The following ITPR2 variants were observed in gnomAD, a reference collection of about 807,000 sequenced individuals.
The protein encoded by ITPR2 is inositol 1,4,5-trisphosphate-gated calcium channel ITPR2.
In ITPR2, 207 loss-of-function variants were observed where a neutral mutation model predicts 317.1. That is an observed-to-expected ratio of 0.65 (90% CI 0.58 to 0.73). The LOEUF is 0.73. Ranked by LOEUF, ITPR2 falls within the 30% of genes least tolerant of loss-of-function variation. The pLI, the probability that ITPR2 is intolerant of heterozygous loss-of-function variation, is 0.00. For synonymous variants in ITPR2, 1,156 were observed against 1,149.1 expected (o/e 1.01, Z -0.12); for missense variants, 2,613 against 3,284.0 (o/e 0.80, Z 4.99).
At chr12:26,555,273 C>T (rs1262844931) in intron 36 of ITPR2, among the ~76,000 whole-genome samples, 1 of 152,158 alleles carries the variant, frequency 6.6e-6, no homozygotes, top group Non-Finnish European at 1.5e-5. Context: ...CGATATATCA[C>T]AGTTGATAGA....
intron 2 of ITPR2, among the ~76,000 whole-genome samples, chr12:26,741,872 G>A (rs1305439709): frequency 6.6e-6 from 1 of 152,184 alleles, no homozygotes; most frequent in East Asian, 1.9e-4. Context: ...GTTGCAAGCA[G>A]GCATGAGCTA....
At chr12:26,796,414 C>T (rs1284626941) in intron 1 of ITPR2, among the ~76,000 whole-genome samples, 2 of 152,158 alleles carry the variant, frequency 1.3e-5, no homozygotes, top group African/African-American at 2.4e-5. Flanking sequence ...AATCTTACTA[C>T]ATATCCAACA....
chr12:26,799,756 C>G (rs1022962842), intron 1 of ITPR2, among the ~76,000 whole-genome samples: 1 of 152,176 alleles, frequency 6.6e-6, no homozygotes. Flanking sequence ...GTTTGTGAAG[C>G]ATTTTGTCTG....
chr12:26,649,508 A>C (rs1947193585), intron 21 of ITPR2: 1 of 152,162 alleles, frequency 6.6e-6, no homozygotes, highest in African/African-American at 2.4e-5. Context: ...TGAATTGCAT[A>C]TTGCATTTAG....
chr12:26,362,266 T>C (rs933126515), intron 55 of ITPR2, among the ~76,000 whole-genome samples: 1 of 152,134 alleles, frequency 6.6e-6, no homozygotes, highest in Non-Finnish European at 1.5e-5. Flanking sequence ...CACTAGCAAT[T>C]TACTTCCAGC....
At chr12:26,507,568 C>T (rs1024589156) in intron 37 of ITPR2, among the ~76,000 whole-genome samples, 2 of 152,122 alleles carry the variant, frequency 1.3e-5, no homozygotes, top group African/African-American at 4.8e-5. Context: ...GAAGCATAGC[C>T]GCTTGGTAGT....
chr12:26,372,563 T>TA (rs1939218221), intron 55 of ITPR2, among the ~76,000 whole-genome samples: 1 of 152,184 alleles, frequency 6.6e-6, no homozygotes, highest in Non-Finnish European at 1.5e-5. Flanking sequence ...GCACTGTGTC[T>TA]AACACACAAC....
chr12:26,445,412 A>G (rs775364175), intron 45 of ITPR2, among the ~76,000 whole-genome samples: 16 of 152,132 alleles, frequency 1.1e-4, no homozygotes, highest in Non-Finnish European at 2.1e-4. Flanking sequence ...GAGATCACCT[A>G]AAAGTGAGCT....
intron 48 of ITPR2, among the ~76,000 whole-genome samples, chr12:26,429,679 A>G (rs544145031): frequency 9.8e-5 from 15 of 152,352 alleles, no homozygotes; most frequent in South Asian, 8.3e-4. Context: ...CACAACAACA[A>G]ATAAAAATTT....
chr12:26,722,663 T>G (rs1434414649), intron 4 of ITPR2, 108 bp from the exon 5 acceptor site: 1 of 800,286 alleles, frequency 1.2e-6, no homozygotes, highest in Non-Finnish European at 1.9e-6. Context: ...TGGCTTGAGA[T>G]GAAAATTAAA....
intron 26 of ITPR2, among the ~76,000 whole-genome samples, chr12:26,603,673 C>T (rs11048606): frequency 8.8e-4 from 134 of 152,184 alleles, no homozygotes; most frequent in African/African-American, 2.7e-3. Context: ...GACAAGTTTA[C>T]GAAGGAGGTC....
chr12:26,536,507 T>C (rs1261970116), intron 37 of ITPR2, among the ~76,000 whole-genome samples: 3 of 152,056 alleles, frequency 2.0e-5, no homozygotes, highest in Admixed American at 1.3e-4. Flanking sequence ...TTTCATCAGG[T>C]TGAAGGACAG....
At chr12:26,498,015 C>T (rs1231808528) in intron 37 of ITPR2, among the ~76,000 whole-genome samples, 1 of 152,228 alleles carries the variant, frequency 6.6e-6, no homozygotes, top group African/African-American at 2.4e-5. Context: ...GGATTACAGG[C>T]ATGAGCCACC....
At chr12:26,491,676 T>C (rs1461088363) in intron 39 of ITPR2, among the ~76,000 whole-genome samples, 1 of 143,150 alleles carries the variant, frequency 7.0e-6, no homozygotes, top group Non-Finnish European at 1.5e-5. Context: ...ATGAGGGATA[T>C]TAAGGGGGCA....
rs1184004081 is a variant in ITPR2 at position 26,707,990 on chromosome 12, TA to T, written c.951+3182del. On this transcript the variant is annotated intron_variant, in intron 9 of 56. Coordinates refer to ENST00000381340, the MANE Select transcript of ITPR2 (RefSeq NM_002223.4). The stretch of plus-strand genomic sequence containing the variant: ...GACATACAAATGGCAAACAAATATA[TA>T]AAAAAATGCTTAACATCATTAATCA... 2.3e-4 allele frequency among the ~76,000 whole-genome samples: 35 copies of T among 151,802 alleles called. No homozygotes were observed. In the South Asian group the frequency reaches 4.6e-3, roughly 20 times the overall value.
At chr12:26,353,853 C>G (rs1478304502) in intron 55 of ITPR2, among the ~76,000 whole-genome samples, 1 of 152,132 alleles carries the variant, frequency 6.6e-6, no homozygotes, top group Non-Finnish European at 1.5e-5. Flanking sequence ...TATACACACA[C>G]ACACACACCT....
chr12:26,604,069 T>C (rs1946064606), intron 26 of ITPR2, among the ~76,000 whole-genome samples: 2 of 152,278 alleles, frequency 1.3e-5, no homozygotes, highest in South Asian at 2.1e-4. Context: ...ATTGATATGA[T>C]TTATTTGTCC....
intron 9 of ITPR2, among the ~76,000 whole-genome samples, chr12:26,701,345 T>C (rs1389727148): frequency 1.3e-5 from 2 of 152,236 alleles, no homozygotes; most frequent in African/African-American, 2.4e-5. Context: ...GATCAATTTT[T>C]ATTATATATA....
chr12:26,540,950 TATTATA>T (rs1944241951), intron 37 of ITPR2, among the ~76,000 whole-genome samples: 1 of 152,034 alleles, frequency 6.6e-6, no homozygotes, highest in Non-Finnish European at 1.5e-5. Context: ...GCAGATGTCT[TATTATA>T]AGAACACATC....
Sources: allele counts gnomAD v4.1 joint callset (sites outside exome capture counted in the v4.1 genomes callset), GRCh38; gene constraint gnomAD v4.1.1; transcripts MANE v1.5; gene names NCBI Gene and HGNC (gene_info 2026-07-23, HGNC 2026-07-21).